CFH: variants seen among roughly 807,000 people sequenced by gnomAD.
CFH encodes the protein H factor 1 (complement).
A neutral mutation model predicts 147.3 loss-of-function variants in CFH; 53 were observed. The observed-to-expected ratio is 0.36, with a 90% confidence interval of 0.29 to 0.45. The LOEUF (loss-of-function observed/expected upper bound fraction) is 0.45. Among genes scored for constraint, CFH ranks in the 20% least tolerant of loss-of-function variants. The pLI is 1.00. For missense variants in CFH, 1,380 were observed against 1,498.0 expected (o/e 0.92, Z 1.30); for synonymous variants, 536 against 489.4 (o/e 1.10, Z -1.26).
chr1:196,738,922 C>A (rs552596930), intron 17 of CFH, among the ~76,000 whole-genome samples: 1 of 152,330 alleles, frequency 6.6e-6, no homozygotes, highest in African/African-American at 2.4e-5. Context: ...CCTGGACATC[C>A]AGGTATTTTC....
At chr1:196,730,099 T>G (rs75398246) in intron 15 of CFH, among the ~76,000 whole-genome samples, 2,219 of 152,002 alleles carry the variant, frequency 0.015, 59 homozygotes, top group African/African-American at 0.05. Context: ...CTGATCTTTA[T>G]GATTTCCATC....
In CFH at chr1:196,652,147, T is replaced by C; in HGVS notation, c.30T>C (p.Leu10=). The C allele has an allele frequency of 6.2e-7, 1 of 1,612,394 alleles. No individual in the cohort carries two copies. Among genetic ancestry groups the C allele is most frequent in the East Asian group, 2.2e-5 (1 of 44,834 alleles). Residue 10 remains leucine (L), a synonymous_variant, in exon 1 of 22, where the codon CTT becomes CTC. Transcript: ENST00000367429. MRLLAKIIC[L]MLWAICVAED... ...GACTTCTAGCAAAGATTATTTGCCT[T>C]ATGTTATGGGCTATTTGTGTAGCAG...
chr1:196,709,561 T>C (rs1668676061), intron 9 of CFH, among the ~76,000 whole-genome samples: 1 of 152,274 alleles, frequency 6.6e-6, no homozygotes, highest in African/African-American at 2.4e-5. Flanking sequence ...GAAAGTTATA[T>C]AAAATTGATT....
intron 16 of CFH, 47 bp from the exon 17 acceptor site, chr1:196,737,428 A>G: frequency 7.9e-7 from 1 of 1,267,232 alleles, no homozygotes; most frequent in South Asian, 1.3e-5. Context: ...ATTTCAATTT[A>G]AGTATTTTAT....
chr1:196,689,090 G>A (rs1287881857), intron 7 of CFH, among the ~76,000 whole-genome samples: 1 of 152,152 alleles, frequency 6.6e-6, no homozygotes, highest in East Asian at 1.9e-4. Flanking sequence ...TTTCTCAACC[G>A]AAAAGCTTAT....
intron 9 of CFH, among the ~76,000 whole-genome samples, chr1:196,711,719 G>A (rs1668726810): frequency 6.6e-6 from 1 of 151,970 alleles, no homozygotes; most frequent in African/African-American, 2.4e-5. Context: ...ATGTTCAAAC[G>A]AGTCTTTCTA....
chr1:196,723,263 G>T lies in CFH; in HGVS notation c.1697-1858G>T, dbSNP rs566412910. On this transcript the variant is annotated intron_variant, in intron 11 of 21. Transcript: ENST00000367429. ...ATTTTTTTTTTCCCTTTGAGAATATGACTACGATGTATGTTGTATAGGGCT... is the reference window on the plus strand; with the variant it reads ...ATTTTTTTTTTCCCTTTGAGAATATTACTACGATGTATGTTGTATAGGGCT... Among the ~76,000 whole-genome samples the T allele has an allele frequency of 6.6e-4, 101 of 151,988 alleles. 2 individuals carry two copies. Among genetic ancestry groups the T allele is most frequent in the Admixed American group, 5.6e-3 (86 of 15,252 alleles).
chr1:196,700,729 T>G (rs1236635839), intron 9 of CFH: 1 of 585,256 alleles, frequency 1.7e-6, no homozygotes, highest in African/African-American at 2.0e-5. Flanking sequence ...TACAGTCCAG[T>G]GCCCCCATGC....
At chr1:196,703,646 C>A (rs1224227450) in intron 9 of CFH, among the ~76,000 whole-genome samples, 2 of 152,048 alleles carry the variant, frequency 1.3e-5, no homozygotes, top group East Asian at 3.9e-4. Flanking sequence ...CTGATGAGAT[C>A]ATTCCTCCAA....
At chr1:196,704,310 G>T (rs895872883) in intron 9 of CFH, among the ~76,000 whole-genome samples, 1 of 152,072 alleles carries the variant, frequency 6.6e-6, no homozygotes, top group African/African-American at 2.4e-5. Context: ...TGCCTGGCTC[G>T]TCTTAAACTC....
At chr1:196,701,692 GCCCCCTTTCCACT>G in intron 9 of CFH, 1 of 252,356 alleles carries the variant, frequency 4.0e-6, no homozygotes, top group Non-Finnish European at 7.8e-6. Context: ...ACTGCCTAGT[GCCCCCTTTCCACT>G]GGGACAGACC....
chr1:196,693,527 T>C (rs1262857485), intron 9 of CFH, among the ~76,000 whole-genome samples: 2 of 152,116 alleles, frequency 1.3e-5, no homozygotes, highest in Non-Finnish European at 2.9e-5. Flanking sequence ...TTTTTCCACC[T>C]GATAACTTGG....
In CFH at chr1:196,679,656, G is replaced by A. The variant is rs1173663227; in HGVS notation, c.653G>A (p.Gly218Glu). Residue 218 changes from glycine (G) to glutamate (E), a missense_variant, in exon 6 of 22, where the codon GGA (glycine) becomes GAA (glutamate). Physicochemically the swap from Gly to Glu is moderately conservative, Grantham distance 98 (BLOSUM62 -2). Coordinates refer to ENST00000367429, the MANE Select transcript of CFH (RefSeq NM_000186.4). Reference sequence around the variant, plus strand: ...TGCAAATCCCCAGATGTTATAAATGGATCTCCTATATCTCAGAAGATTATT... The same window carrying A: ...TGCAAATCCCCAGATGTTATAAATGAATCTCCTATATCTCAGAAGATTATT... ...ISCKSPDVIN[G>E]SPISQKIIYK... The A allele has an allele frequency of 6.2e-7, 1 of 1,605,512 alleles. No homozygotes were observed.
chr1:196,690,203 A>G lies in CFH; in HGVS notation c.1300A>G (p.Asn434Asp). Residue 434 changes from asparagine (N) to aspartate (D), a missense_variant, in exon 9 of 22, where the codon AAT (asparagine) becomes GAT (aspartate). Physicochemically the swap from Asn to Asp is conservative, Grantham distance 23. Transcript: ENST00000367429. Reference protein sequence around the residue: ...KAQTTVTCMENGWSPTPRCIR... With the variant: ...KAQTTVTCMEDGWSPTPRCIR... ...GCAGACCACAGTTACATGTATGGAGAATGGCTGGTCTCCTACTCCCAGATG... is the reference window on the plus strand; with the variant it reads ...GCAGACCACAGTTACATGTATGGAGGATGGCTGGTCTCCTACTCCCAGATG... 6.2e-7 allele frequency: 1 copy of G among 1,613,372 alleles called. No individual in the cohort carries two copies. The highest frequency in any genetic ancestry group is 8.5e-7 in the Non-Finnish European group (1 of 1,179,610).
intron 9 of CFH, among the ~76,000 whole-genome samples, chr1:196,696,245 A>G (rs1373620209): frequency 6.6e-6 from 1 of 152,124 alleles, no homozygotes; most frequent in Non-Finnish European, 1.5e-5. Flanking sequence ...AAGAACAAAA[A>G]CCACAACAAA....
intron 1 of CFH, among the ~76,000 whole-genome samples, chr1:196,660,501 A>G (rs1666862375): frequency 6.6e-6 from 1 of 152,196 alleles, no homozygotes; most frequent in Non-Finnish European, 1.5e-5. Context: ...ACAGGAGAGT[A>G]GAGGACTGGA....
chr1:196,706,867 C>T (rs955453136), intron 9 of CFH, among the ~76,000 whole-genome samples: 9 of 152,068 alleles, frequency 5.9e-5, no homozygotes, highest in African/African-American at 2.2e-4. Flanking sequence ...TTGATTTTAC[C>T]GTGATGCCAA....
chr1:196,669,210 T>G (rs1246684452), intron 1 of CFH, among the ~76,000 whole-genome samples: 1 of 152,126 alleles, frequency 6.6e-6, no homozygotes, highest in Non-Finnish European at 1.5e-5. Flanking sequence ...TTGGAACTTA[T>G]GTTTAAAAGG....
chr1:196,658,407 A>ATTTTTTTTTT (rs549213437), intron 1 of CFH, among the ~76,000 whole-genome samples: 984 of 92,188 alleles, frequency 0.011, 117 homozygotes, highest in African/African-American at 0.049. Flanking sequence ...TGCTCAGGTA[A>ATTTTTTTTTT]TTTTTTTTTT....
Sources: allele counts gnomAD v4.1 joint callset (sites outside exome capture counted in the v4.1 genomes callset), GRCh38; gene constraint gnomAD v4.1.1; transcripts MANE v1.5; gene names NCBI Gene and HGNC (gene_info 2026-07-23, HGNC 2026-07-21).